Variants in KIAA2012 observed in about 807,000 individuals in gnomAD.
The protein encoded by KIAA2012 is KIAA2012.
A neutral mutation model predicts 150.6 loss-of-function variants in KIAA2012; 125 were observed. That is an observed-to-expected ratio of 0.83 (90% CI 0.72 to 0.96). The LOEUF (loss-of-function observed/expected upper bound fraction) is 0.96, where lower values mean the gene tolerates loss of function less well. Ranked by LOEUF, KIAA2012 falls within the 40% of genes least tolerant of loss-of-function variation. The probability of loss-of-function intolerance (pLI) is 0.00; values close to 1 mark genes in which losing one functional copy is unlikely to be tolerated. For missense variants in KIAA2012, 1,219 were observed against 1,354.9 expected (o/e 0.90, Z 1.57); for synonymous variants, 462 against 504.7 (o/e 0.92, Z 1.13).
intron 9 of KIAA2012, among the ~76,000 whole-genome samples, chr2:202,107,054 T>C (rs1690214294): frequency 1.3e-5 from 2 of 152,122 alleles, no homozygotes; most frequent in African/African-American, 4.8e-5. Context: ...CTCTCCTCCT[T>C]TTACAGATCA....
chr2:202,200,065 G>A (rs1209952229), intron 22 of KIAA2012, among the ~76,000 whole-genome samples: 1 of 151,140 alleles, frequency 6.6e-6, no homozygotes. Flanking sequence ...TGAGTAGCTG[G>A]GATTACAGGC....
rs748763020 is a variant in KIAA2012, at chr2:202,138,411, CCTCTTTGATTTT to C, written c.1832-19_1832-8del. 6.5e-7 allele frequency: 1 copy of C among 1,542,514 alleles called. No individual in the cohort carries two copies. Among genetic ancestry groups the C allele is most frequent in the Non-Finnish European group, 8.8e-7 (1 of 1,139,884 alleles). ...AGATCTGACCACCTTGATCTTTTTT[CCTCTTTGATTTT>C]CACTACAGCAAACACTGAACCTAGA... is the stretch of plus-strand genomic sequence containing the variant. On this transcript the variant is annotated splice_polypyrimidine_tract_variant and intron_variant, in intron 12 of 23. Transcript: ENST00000498697.
chr2:202,119,283 A>AG (rs1051365562), intron 11 of KIAA2012, among the ~76,000 whole-genome samples: 8 of 152,224 alleles, frequency 5.3e-5, no homozygotes, highest in Non-Finnish European at 8.8e-5. Flanking sequence ...GGAAAAAAAA[A>AG]AAAGAATAAT....
intron 11 of KIAA2012, chr2:202,117,144 C>G (rs1018555390): frequency 2.0e-5 from 3 of 152,232 alleles, no homozygotes; most frequent in African/African-American, 7.2e-5. Flanking sequence ...AAGATTCCCA[C>G]AGAAACTGAG....
At chr2:202,144,265 C>T (rs1175928584) in intron 13 of KIAA2012, among the ~76,000 whole-genome samples, 7 of 152,150 alleles carry the variant, frequency 4.6e-5, no homozygotes, top group African/African-American at 1.7e-4. Context: ...TCCCTTTCTT[C>T]ACTTCTGTTT....
At chr2:202,184,926 T>A (rs1307116727) in intron 16 of KIAA2012, 83 bp downstream of exon 16, 9 of 1,172,856 alleles carry the variant, frequency 7.7e-6, no homozygotes, top group Non-Finnish European at 1.1e-5. Context: ...TGGTTTTTTT[T>A]CAGACAGGAA....
chr2:202,182,087 A>ATG (rs1308277527), intron 15 of KIAA2012, among the ~76,000 whole-genome samples: 1 of 134,854 alleles, frequency 7.4e-6, no homozygotes, highest in Non-Finnish European at 1.6e-5. Flanking sequence ...ATCATGCCAT[A>ATG]TGTACTTTTT....
intron 22 of KIAA2012, among the ~76,000 whole-genome samples, chr2:202,200,852 A>G (rs1321333894): frequency 6.6e-6 from 1 of 151,794 alleles, no homozygotes; most frequent in East Asian, 1.9e-4. Context: ...GATTACAGGC[A>G]TGCACCACTA....
intron 15 of KIAA2012, among the ~76,000 whole-genome samples, chr2:202,170,489 CATT>C (rs2105727997): frequency 6.6e-6 from 1 of 152,244 alleles, no homozygotes; most frequent in East Asian, 1.9e-4. Context: ...TGGAAGCTTC[CATT>C]ATTCACTCAG....
At position 202,193,511 on chromosome 2, in the gene KIAA2012, G is replaced by A. The variant is rs1307237399; in HGVS notation, c.3014+8G>A. On this transcript the variant is annotated splice_region_variant and intron_variant, in intron 20 of 23. Transcript: ENST00000498697. Reference sequence around the variant, plus strand: ...ACGTACAGAAGAGATCCGGTAGGTTGGGCAAGCCAAAGAGACTACAGCCAT... The same window carrying A: ...ACGTACAGAAGAGATCCGGTAGGTTAGGCAAGCCAAAGAGACTACAGCCAT... 3 of 1,549,756 alleles carry A rather than the reference G, an allele frequency of 1.9e-6. No homozygotes were observed. In the Admixed American group the frequency reaches 5.9e-5, roughly 30 times the overall value.
intron 12 of KIAA2012, among the ~76,000 whole-genome samples, chr2:202,129,130 T>TA (rs930380162): frequency 8.0e-5 from 12 of 150,634 alleles, no homozygotes; most frequent in African/African-American, 2.2e-4. Context: ...AATAAATAAA[T>TA]AAAAAAATAA....
At chr2:202,184,189 G>A (rs997967423) in intron 15 of KIAA2012, among the ~76,000 whole-genome samples, 1 of 151,964 alleles carries the variant, frequency 6.6e-6, no homozygotes, top group South Asian at 2.1e-4. Context: ...TTCAAGACCA[G>A]CCTGGCCAAT....
At chr2:202,201,829 TC>T in intron 22 of KIAA2012, 1 of 1,292,482 alleles carries the variant, frequency 7.7e-7, no homozygotes, top group Non-Finnish European at 1.1e-6. Context: ...TAGACTGGAT[TC>T]CCAGGAGGCT....
chr2:202,086,363 G>A (rs1409313256), intron 2 of KIAA2012, among the ~76,000 whole-genome samples: 1 of 151,940 alleles, frequency 6.6e-6, no homozygotes, highest in Non-Finnish European at 1.5e-5. Context: ...AAGAAATGAG[G>A]TTGCAATTCA....
chr2:202,130,814 G>C (rs1690912300), intron 12 of KIAA2012, among the ~76,000 whole-genome samples: 2 of 152,118 alleles, frequency 1.3e-5, no homozygotes, highest in Admixed American at 1.3e-4. Flanking sequence ...CTACTCTGGG[G>C]GCTCAGGCAG....
chr2:202,190,523 G>A (rs1692310494), intron 19 of KIAA2012, 30 bp downstream of exon 19: 1 of 1,446,838 alleles, frequency 6.9e-7, no homozygotes, highest in Non-Finnish European at 9.2e-7. Context: ...GCTTGACAGA[G>A]GAAGTTCTGT....
intron 22 of KIAA2012, chr2:202,201,877 T>C: frequency 8.6e-7 from 1 of 1,167,388 alleles, no homozygotes; most frequent in Non-Finnish European, 1.3e-6. Context: ...TATTGACCTT[T>C]GCTGTTCATG....
chr2:202,132,145 C>A (rs1427864257), intron 12 of KIAA2012, among the ~76,000 whole-genome samples: 1 of 152,098 alleles, frequency 6.6e-6, no homozygotes, highest in Non-Finnish European at 1.5e-5. Flanking sequence ...CATTGCACTC[C>A]AGCCTGGGCA....
At chr2:202,150,605 T>C (rs1691406936) in intron 13 of KIAA2012, among the ~76,000 whole-genome samples, 1 of 152,118 alleles carries the variant, frequency 6.6e-6, no homozygotes. Flanking sequence ...TGCACCACCA[T>C]GCCTGGTTGA....
Sources: allele counts gnomAD v4.1 joint callset (sites outside exome capture counted in the v4.1 genomes callset), GRCh38; gene constraint gnomAD v4.1.1; transcripts MANE v1.5; gene names NCBI Gene and HGNC (gene_info 2026-07-23, HGNC 2026-07-21).